The following SLC30A5 variants were observed in gnomAD, a reference collection of about 807,000 sequenced individuals.
SLC30A5 encodes solute carrier family 30 member 5.
A neutral mutation model predicts 79.6 loss-of-function variants in SLC30A5; 33 were observed. The observed-to-expected ratio is 0.41, with a 90% CI of 0.31 to 0.55. The LOEUF (loss-of-function observed/expected upper bound fraction) is 0.55. SLC30A5 is among the 20% of genes least tolerant of loss of function. SLC30A5 has a pLI of 0.20. For missense variants in SLC30A5, 788 were observed against 928.1 expected (o/e 0.85, Z 1.96); for synonymous variants, 299 against 319.7 (o/e 0.94, Z 0.69).
chr5:69,111,248 T>C (rs982298232), intron 5 of SLC30A5, among the ~76,000 whole-genome samples: 5 of 151,968 alleles, frequency 3.3e-5, no homozygotes, highest in African/African-American at 1.2e-4. Context: ...CGCCTTGGCC[T>C]CCCAAAGTGC....
intron 14 of SLC30A5, among the ~76,000 whole-genome samples, chr5:69,123,948 C>T (rs957355537): frequency 6.6e-6 from 1 of 151,896 alleles, no homozygotes; most frequent in Non-Finnish European, 1.5e-5. Flanking sequence ...CCCGTCTCTA[C>T]TAAAAATACA....
chr5:69,123,218 G>A lies in SLC30A5; in HGVS notation c.1791G>A (p.Leu597=), dbSNP rs751686198. Residue 597 remains leucine, a synonymous_variant, in exon 14 of 16, where the codon TTG becomes TTA. Transcript: ENST00000396591. ...ANMRGVFLHV[L]ADTLGSIGVI... is the part of the protein sequence containing the mutation. ...TTGTAGGTGTATTTCTACATGTTTT[G>A]GCAGATACACTTGGCAGCATTGGTG... 1.2e-6 allele frequency: 2 copies of A among 1,603,756 alleles called. No homozygotes were observed. The highest frequency in any genetic ancestry group is 4.5e-5 in the East Asian group (2 of 44,694).
chr5:69,097,998 G>A (rs571806743), intron 1 of SLC30A5, among the ~76,000 whole-genome samples: 1 of 152,202 alleles, frequency 6.6e-6, no homozygotes, highest in Non-Finnish European at 1.5e-5. Context: ...GGAGAGGAGA[G>A]GAGAGGGAGG....
At position 69,121,699 on chromosome 5, in the gene SLC30A5, C is replaced by A; in HGVS notation, c.1575C>A (p.Val525=). 6.3e-7 allele frequency: 1 copy of A among 1,598,494 alleles called. No homozygotes were observed. The highest frequency in any genetic ancestry group is 1.1e-5 in the South Asian group (1 of 88,170). ...TTTTTTCTCCCTTTTGCTAGCCAGT[C>A]TCAGTTGGAGGGCTGATAGTAAACC... ...PELDTHMLTP[V]SVGGLIVNLI... is the part of the protein sequence containing the mutation. Residue 525 remains valine (V), a synonymous_variant, in exon 13 of 16, where the codon GTC becomes GTA. Coordinates refer to ENST00000396591, the MANE Select transcript of SLC30A5 (RefSeq NM_022902.5).
In SLC30A5 at chr5:69,115,932, G is replaced by A; in HGVS notation, c.790G>A (p.Val264Met). 1 of 1,607,666 alleles carries A rather than the reference G, an allele frequency of 6.2e-7. No homozygotes were observed. The highest frequency in any genetic ancestry group is 8.5e-7 in the Non-Finnish European group (1 of 1,176,824). The change falls in exon 9 of 16, where the codon GTG becomes ATG. Residue 264 changes from valine to methionine, a missense_variant. Coordinates refer to ENST00000396591, the MANE Select transcript of SLC30A5 (RefSeq NM_022902.5). ...IVLSVTTESKVESWFSLIMPF... is the reference protein window; with the variant it reads ...IVLSVTTESKMESWFSLIMPF... ...TCTTTTTTTTAATTTCTAGAGTAAA[G>A]TGGAGTCTTGGTTTTCTCTCATTAT...
At chr5:69,117,103 C>A in intron 10 of SLC30A5, 136 bp from the exon 11 acceptor site, 1 of 627,318 alleles carries the variant, frequency 1.6e-6, no homozygotes. Flanking sequence ...AATAGGGTTT[C>A]TAATGTAAGT....
intron 1 of SLC30A5, among the ~76,000 whole-genome samples, chr5:69,096,985 CA>C (rs1256565497): frequency 1.3e-5 from 2 of 150,314 alleles, no homozygotes; most frequent in Admixed American, 6.6e-5. Flanking sequence ...AAAAAAACCC[CA>C]AAAAAACCCC....
intron 8 of SLC30A5, among the ~76,000 whole-genome samples, chr5:69,115,703 G>A (rs936051713): frequency 1.3e-5 from 2 of 152,130 alleles, no homozygotes; most frequent in African/African-American, 2.4e-5. Flanking sequence ...ATTGTGTGTC[G>A]CCTAGTGTTC....
chr5:69,113,039 G>T, intron 5 of SLC30A5, 101 bp from the exon 6 acceptor site: 1 of 900,768 alleles, frequency 1.1e-6, no homozygotes, highest in Non-Finnish European at 1.7e-6. Context: ...TTTTGTAAAT[G>T]CTTACTTGAG....
At position 69,117,405 on chromosome 5, in the gene SLC30A5, A is replaced by G. The variant is rs778523119; in HGVS notation, c.1439+9A>G. ...CGGATTTTCTCCTATGGGTAGGTAC[A>G]TTGACTGTCGAGGTGGTATATCTTA... On this transcript the variant is annotated intron_variant, in intron 11 of 15. Coordinates refer to ENST00000396591, the MANE Select transcript of SLC30A5 (RefSeq NM_022902.5). 6.2e-7 allele frequency: 1 copy of G among 1,613,210 alleles called. No homozygotes were observed. The highest frequency in any genetic ancestry group is 1.1e-5 in the South Asian group (1 of 90,962).
chr5:69,114,493 C>G lies in SLC30A5; in HGVS notation c.609C>G (p.His203Gln), dbSNP rs1299674495. The change falls in exon 7 of 16, where the codon CAC becomes CAG. Residue 203 changes from histidine to glutamine, a missense_variant. By Grantham distance (24) the His-to-Gln change is conservative. Transcript: ENST00000396591. ...TTGCCTTCTTAGGTGTGGCAGATCA[C>G]AAGGTATGATTTCTTTGTTCCTAAC... ...TAIAFLGVAD[H>Q]KGGVLLLVLA... 6.3e-7 allele frequency: 1 copy of G among 1,580,242 alleles called. No individual in the cohort carries two copies. Among genetic ancestry groups the G allele is most frequent in the South Asian group, 1.1e-5 (1 of 90,444 alleles).
At position 69,129,638 on chromosome 5, in the gene SLC30A5, T is replaced by G. The variant is rs1269384816; in HGVS notation, c.*21T>G. ...TGTGAGATAACTCAAGAATTACCCC[T>G]GGAGAATAAACAATGAAGATTAAAT... On this transcript the variant is annotated 3_prime_UTR_variant, in exon 16 of 16. Coordinates refer to ENST00000396591, the MANE Select transcript of SLC30A5 (RefSeq NM_022902.5). 1.9e-6 allele frequency: 3 copies of G among 1,582,000 alleles called. No homozygotes were observed. The highest frequency in any genetic ancestry group is 2.6e-6 in the Non-Finnish European group (3 of 1,164,076).
In SLC30A5 at chr5:69,094,161, G is replaced by A. The variant is rs1288368617; in HGVS notation, c.-95G>A. 4 of 619,632 alleles carry A rather than the reference G, an allele frequency of 6.5e-6. No individual in the cohort carries two copies. The Admixed American group carries it at 1.3e-4, about 20-fold the overall frequency. The allele number at this position is 619,632 out of a possible 1,614,324, so 38.4% of individuals were successfully genotyped here. A position where few individuals can be genotyped will look rare whatever the true frequency, so the allele number is the denominator to read the frequency against. ...GAGCCCGACGGGGTCTCTGCCATGG[G>A]GGAGTGACGCGCCTGCACCCGCTGT... is the stretch of plus-strand genomic sequence containing the variant. On this transcript the variant is annotated 5_prime_UTR_variant, in exon 1 of 16. Coordinates refer to ENST00000396591, the MANE Select transcript of SLC30A5 (RefSeq NM_022902.5).
intron 11 of SLC30A5, 54 bp from the exon 12 acceptor site, chr5:69,118,445 T>A: frequency 8.7e-6 from 13 of 1,498,154 alleles, no homozygotes; most frequent in Non-Finnish European, 1.1e-5. Context: ...ATAAAGTTTA[T>A]ACTTTAAAAA....
chr5:69,125,844 C>T (rs1210100087), intron 14 of SLC30A5, among the ~76,000 whole-genome samples: 1 of 128,018 alleles, frequency 7.8e-6, no homozygotes, highest in African/African-American at 3.0e-5. Context: ...GCACTCCAGC[C>T]CGGGCCACAG....
intron 5 of SLC30A5, among the ~76,000 whole-genome samples, chr5:69,110,099 C>T (rs1001868158): frequency 1.2e-4 from 18 of 152,150 alleles, no homozygotes; most frequent in African/African-American, 2.4e-4. Flanking sequence ...CATGAGTAAA[C>T]GAGCTATTTA....
intron 1 of SLC30A5, among the ~76,000 whole-genome samples, chr5:69,096,826 TG>T (rs894789440): frequency 1.3e-5 from 2 of 151,926 alleles, no homozygotes; most frequent in African/African-American, 4.8e-5. Context: ...CCAGGCACAG[TG>T]GCAGTGCCTA....
chr5:69,123,213 G>A lies in SLC30A5; in HGVS notation c.1786G>A (p.Val596Ile). Residue 596 changes from valine (V) to isoleucine (I), a missense_variant, in exon 14 of 16, where the codon GTT (valine) becomes ATT (isoleucine). Physicochemically the swap from Val to Ile is conservative, Grantham distance 29. This residue lies in a region of SLC30A5 where 626 missense variants were observed against 755.5 expected (regional missense o/e 0.83). Coordinates refer to ENST00000396591, the MANE Select transcript of SLC30A5 (RefSeq NM_022902.5). ...TTTATTTGTAGGTGTATTTCTACATGTTTTGGCAGATACACTTGGCAGCAT... is the reference window on the plus strand; with the variant it reads ...TTTATTTGTAGGTGTATTTCTACATATTTTGGCAGATACACTTGGCAGCAT... ...NANMRGVFLH[V>I]LADTLGSIGV... 3.7e-6 allele frequency: 6 copies of A among 1,602,600 alleles called. No individual in the cohort carries two copies. Among genetic ancestry groups the A allele is most frequent in the South Asian group, 1.1e-5 (1 of 89,246 alleles).
intron 14 of SLC30A5, 71 bp from the exon 15 acceptor site, chr5:69,127,933 C>A: frequency 1.5e-6 from 2 of 1,308,002 alleles, no homozygotes; most frequent in Non-Finnish European, 2.1e-6. Flanking sequence ...TACTTTCTGT[C>A]AGAAAGCATC....
Sources: allele counts gnomAD v4.1 joint callset (sites outside exome capture counted in the v4.1 genomes callset), GRCh38; gene constraint gnomAD v4.1.1; regional missense constraint gnomAD v4.1.1; transcripts MANE v1.5; gene names NCBI Gene and HGNC (gene_info 2026-07-23, HGNC 2026-07-21).